Variants in ARID5B observed in about 807,000 individuals in gnomAD.
ARID5B encodes the protein AT-rich interactive domain-containing protein 5B.
ARID5B carries 13 observed loss-of-function variants against 97.2 expected under a neutral mutation model. The observed-to-expected ratio is 0.13, with a 90% CI of 0.09 to 0.21. ARID5B has a LOEUF of 0.21. Among genes scored for constraint, ARID5B ranks in the 10% least tolerant of loss-of-function variants. The pLI is 1.00. For synonymous variants in ARID5B, 556 were observed against 570.3 expected (o/e 0.97, Z 0.36); for missense variants, 1,210 against 1,465.3 (o/e 0.83, Z 2.84).
intron 3 of ARID5B, among the ~76,000 whole-genome samples, chr10:61,948,315 C>A (rs928301661): frequency 2.6e-5 from 4 of 151,054 alleles, no homozygotes; most frequent in Non-Finnish European, 5.9e-5. Context: ...TTCAGTTCTT[C>A]CCTAAGATGT....
At position 62,002,120 on chromosome 10, in the gene ARID5B, A is replaced by G. The variant is rs1242660176; in HGVS notation, c.733+1799A>G. On this transcript the variant is annotated intron_variant, in intron 4 of 9. Coordinates refer to ENST00000279873, the MANE Select transcript of ARID5B (RefSeq NM_032199.3). ...GAGTGTTCAAAATTAGAGTTTCACA[A>G]CGTAATATGAGGAAAAAAATGTTTT... is the stretch of plus-strand genomic sequence containing the variant. Among the ~76,000 whole-genome samples, 3 of 152,184 alleles carry G rather than the reference A, an allele frequency of 2.0e-5. No homozygotes were observed. In the East Asian group the frequency reaches 5.8e-4, roughly 29 times the overall value.
intron 4 of ARID5B, among the ~76,000 whole-genome samples, chr10:62,032,072 G>T (rs955409017): frequency 2.0e-5 from 3 of 152,000 alleles, no homozygotes; most frequent in Non-Finnish European, 4.4e-5. Flanking sequence ...TGTGCCTGTA[G>T]CCCCAGCTAA....
At chr10:61,937,771 A>G (rs1467340847) in intron 2 of ARID5B, among the ~76,000 whole-genome samples, 1 of 152,252 alleles carries the variant, frequency 6.6e-6, no homozygotes, top group Admixed American at 6.5e-5. Flanking sequence ...GCACTTGCTC[A>G]GAATAGTAAA....
chr10:61,902,338 G>A lies in ARID5B; in HGVS notation c.201G>A (p.Arg67=). Residue 67 remains arginine, a synonymous_variant, in exon 2 of 10, where the codon CGG becomes CGA. Coordinates refer to ENST00000279873, the MANE Select transcript of ARID5B (RefSeq NM_032199.3). ...LQLLWEERTS[R]QLLSSSKLYF... ...TGTTGTGGGAAGAGAGGACCAGCCGGCAACTTTTATCCAGCTCTAAACTTT... is the reference window on the plus strand; with the variant it reads ...TGTTGTGGGAAGAGAGGACCAGCCGACAACTTTTATCCAGCTCTAAACTTT... 4 of 1,614,122 alleles carry A rather than the reference G, an allele frequency of 2.5e-6. No homozygotes were observed. Among genetic ancestry groups the A allele is most frequent in the Non-Finnish European group, 2.5e-6 (3 of 1,180,024 alleles).
intron 4 of ARID5B, among the ~76,000 whole-genome samples, chr10:62,029,024 A>AATTAGGT (rs1490285355): frequency 1.3e-5 from 2 of 152,030 alleles, no homozygotes; most frequent in East Asian, 3.9e-4. Context: ...GAGATTTACA[A>AATTAGGT]TACGCACCAC....
chr10:62,073,225 C>T (rs1300226658), intron 8 of ARID5B, among the ~76,000 whole-genome samples: 1 of 152,208 alleles, frequency 6.6e-6, no homozygotes, highest in African/African-American at 2.4e-5. Context: ...ATTTCCCTGC[C>T]ACCAGCTTTG....
chr10:62,038,641 C>G (rs1202703150), intron 4 of ARID5B, among the ~76,000 whole-genome samples: 5 of 152,140 alleles, frequency 3.3e-5, no homozygotes, highest in African/African-American at 9.7e-5. Context: ...TTACAAACCC[C>G]ACCTACCCCA....
In ARID5B at chr10:62,047,857, T is replaced by C. The variant is rs531643686; in HGVS notation, c.734-3031T>C. On this transcript the variant is annotated intron_variant, in intron 4 of 9. Coordinates refer to ENST00000279873, the MANE Select transcript of ARID5B (RefSeq NM_032199.3). ...AGCCAGTCCTTCAATACCAAAACTT[T>C]ACCTGGAGTCTTCTGAATCCAAAAG... is the stretch of plus-strand genomic sequence containing the variant. 6.6e-4 allele frequency among the ~76,000 whole-genome samples: 101 copies of C among 152,340 alleles called. 1 individual carries two copies. The highest frequency in any genetic ancestry group is 1.0e-3 in the South Asian group (5 of 4,826).
At chr10:61,966,861 A>G (rs1838552211) in intron 3 of ARID5B, among the ~76,000 whole-genome samples, 1 of 152,146 alleles carries the variant, frequency 6.6e-6, no homozygotes, top group Non-Finnish European at 1.5e-5. Flanking sequence ...CTGCCTGCAG[A>G]CCATATATGT....
rs530996756 is a variant in ARID5B, at chr10:62,067,209, C to T, written c.1102-2491C>T. On this transcript the variant is annotated intron_variant, in intron 7 of 9. Coordinates refer to ENST00000279873, the MANE Select transcript of ARID5B (RefSeq NM_032199.3). ...AAGCAATTCTCCTGCCTCAGCATCC[C>T]GAGTAGCTGGGATTACAGGCATGCG... 1.4e-4 allele frequency among the ~76,000 whole-genome samples: 22 copies of T among 152,200 alleles called. No homozygotes were observed. In the South Asian group the frequency reaches 3.1e-3, roughly 22 times the overall value.
At chr10:62,054,987 T>A (rs747951895) in intron 5 of ARID5B, among the ~76,000 whole-genome samples, 4 of 152,206 alleles carry the variant, frequency 2.6e-5, no homozygotes. Context: ...CACAGCACTG[T>A]ATCTAGCTCA....
intron 3 of ARID5B, among the ~76,000 whole-genome samples, chr10:61,957,507 G>T (rs1190310389): frequency 6.6e-6 from 1 of 152,188 alleles, no homozygotes; most frequent in Non-Finnish European, 1.5e-5. Flanking sequence ...GGCCTCAGGT[G>T]ATCCACCTGC....
intron 3 of ARID5B, among the ~76,000 whole-genome samples, chr10:61,971,420 A>G (rs1328473833): frequency 6.6e-6 from 1 of 152,222 alleles, no homozygotes; most frequent in African/African-American, 2.4e-5. Context: ...GAAACTCTGT[A>G]GCTGTCTTTG....
chr10:62,018,360 T>C (rs1197557799), intron 4 of ARID5B, among the ~76,000 whole-genome samples: 1 of 152,240 alleles, frequency 6.6e-6, no homozygotes. Flanking sequence ...GTGGGAAAGA[T>C]AAGCCATTGG....
At chr10:62,049,314 C>CG (rs530832726) in intron 4 of ARID5B, 4 of 1,489,822 alleles carry the variant, frequency 2.7e-6, no homozygotes, top group African/African-American at 2.8e-5. Context: ...ATGGAGCTGC[C>CG]GGGGGAGGGG....
intron 2 of ARID5B, among the ~76,000 whole-genome samples, chr10:61,938,964 A>AGTGTGTGT (rs60329829): frequency 0.067 from 8,344 of 125,078 alleles, 319 homozygotes; most frequent in Admixed American, 0.084. Flanking sequence ...GAATTGGAGA[A>AGTGTGTGT]GTGTGTGTGT....
At chr10:61,976,293 A>G (rs1838697312) in intron 3 of ARID5B, among the ~76,000 whole-genome samples, 1 of 152,256 alleles carries the variant, frequency 6.6e-6, no homozygotes, top group Non-Finnish European at 1.5e-5. Flanking sequence ...ATATTGCCGC[A>G]TGCAGCTATA....
intron 3 of ARID5B, among the ~76,000 whole-genome samples, chr10:61,973,463 T>C (rs1450009461): frequency 6.6e-6 from 1 of 152,240 alleles, no homozygotes; most frequent in African/African-American, 2.4e-5. Flanking sequence ...CCACTATTTG[T>C]GGCTTTTTTG....
intron 3 of ARID5B, among the ~76,000 whole-genome samples, chr10:61,993,091 A>T (rs868072948): frequency 1.3e-5 from 2 of 149,886 alleles, no homozygotes; most frequent in African/African-American, 4.9e-5. Context: ...GCATGCCTCC[A>T]ATTTAACAGC....
Sources: allele counts gnomAD v4.1 joint callset (sites outside exome capture counted in the v4.1 genomes callset), GRCh38; gene constraint gnomAD v4.1.1; transcripts MANE v1.5; gene names NCBI Gene and HGNC (gene_info 2026-07-23, HGNC 2026-07-21).